The following MMS22L variants were observed in gnomAD, a reference collection of about 807,000 sequenced individuals.
The protein encoded by MMS22L is MMS22 like, DNA repair protein.
Under a neutral mutation model 159.1 loss-of-function variants are expected in MMS22L, and 74 were observed. The ratio of observed to expected loss-of-function variants is 0.47; its 90% confidence interval spans 0.39 to 0.56. MMS22L has a LOEUF of 0.56. Among genes scored for constraint, MMS22L ranks in the 20% least tolerant of loss-of-function variants. The probability of loss-of-function intolerance (pLI) is 0.00; values close to 1 mark genes in which losing one functional copy is unlikely to be tolerated. For synonymous variants in MMS22L, 517 were observed against 506.9 expected, an observed-to-expected ratio of 1.02 and a Z score of -0.27; for missense variants, 1,351 against 1,422.1, an observed-to-expected ratio of 0.95 and a Z score of 0.80.
Position 97,153,273 on chromosome 6 carries a change from A to G in MMS22L, c.3386-1406T>C, listed in dbSNP as rs1444688164. Among the ~76,000 whole-genome samples, 3 of 150,600 alleles carry G rather than the reference A, an allele frequency of 2.0e-5. No individual in the cohort carries two copies. In the Admixed American group the frequency reaches 2.0e-4, roughly 10 times the overall value. On this transcript the variant is annotated intron_variant, in intron 22 of 24. Transcript: ENST00000683635. ...ACAACCATCATCACAATTTTACAAT[A>G]TTTTCAATATCTTGAAAAGAAATTC... is the stretch of plus-strand genomic sequence containing the variant.
chr6:97,195,567 T>C (rs910140736), intron 14 of MMS22L, among the ~76,000 whole-genome samples: 4 of 152,238 alleles, frequency 2.6e-5, no homozygotes, highest in Admixed American at 6.5e-5. Flanking sequence ...TTCAGTCATA[T>C]GTTTTCTTCA....
chr6:97,231,310 C>G (rs1810835686), intron 13 of MMS22L, 116 bp downstream of exon 13: 1 of 717,118 alleles, frequency 1.4e-6, no homozygotes, highest in East Asian at 2.7e-5. Context: ...AATGGATTAC[C>G]TAGTAACATT....
intron 14 of MMS22L, among the ~76,000 whole-genome samples, chr6:97,207,057 T>C (rs1439736643): frequency 1.3e-5 from 2 of 152,178 alleles, no homozygotes; most frequent in Admixed American, 6.6e-5. Context: ...TAGTGAAACT[T>C]CAGCACTTTA....
chr6:97,265,582 G>A (rs1815009356), intron 8 of MMS22L: 1 of 152,042 alleles, frequency 6.6e-6, no homozygotes, highest in African/African-American at 2.4e-5. Context: ...TCTCGAGAAT[G>A]GAAGAAAATA....
At chr6:97,188,854 C>A (rs769098892) in intron 14 of MMS22L, among the ~76,000 whole-genome samples, 41 of 152,120 alleles carry the variant, frequency 2.7e-4, no homozygotes, top group Non-Finnish European at 5.3e-4. Context: ...CCCAGCAACT[C>A]AGGAGGCTGA....
intron 4 of MMS22L, among the ~76,000 whole-genome samples, chr6:97,276,508 T>C (rs973674333): frequency 3.9e-5 from 6 of 152,302 alleles, no homozygotes; most frequent in Admixed American, 3.9e-4. Context: ...AGTTCCAAAA[T>C]AAAAATCATA....
intron 14 of MMS22L, among the ~76,000 whole-genome samples, chr6:97,200,217 C>A (rs1806993328): frequency 6.6e-6 from 1 of 152,094 alleles, no homozygotes; most frequent in Non-Finnish European, 1.5e-5. Context: ...AGAATAATAT[C>A]ATATTTAGCA....
chr6:97,215,992 T>A (rs147954819), intron 14 of MMS22L, among the ~76,000 whole-genome samples: 1,778 of 152,266 alleles, frequency 0.012, 17 homozygotes, highest in Non-Finnish European at 0.018. Flanking sequence ...CAATTGAAAT[T>A]AAGAGTTTCA....
chr6:97,278,990 C>G, intron 3 of MMS22L, 92 bp from the exon 4 acceptor site: 3 of 969,042 alleles, frequency 3.1e-6, no homozygotes, highest in Non-Finnish European at 4.8e-6. Context: ...TACACAGCTT[C>G]AATACCTCTT....
intron 11 of MMS22L, among the ~76,000 whole-genome samples, chr6:97,243,185 T>C (rs1229164667): frequency 6.6e-6 from 1 of 152,338 alleles, no homozygotes; most frequent in East Asian, 1.9e-4. Context: ...AACTTTTAGA[T>C]TTCTCTTCTT....
chr6:97,243,884 G>C (rs376897540), intron 11 of MMS22L, among the ~76,000 whole-genome samples: 2 of 152,010 alleles, frequency 1.3e-5, no homozygotes, highest in African/African-American at 2.4e-5. Flanking sequence ...GTACTGGGGT[G>C]GGGGGTGTCT....
intron 11 of MMS22L, among the ~76,000 whole-genome samples, chr6:97,244,378 T>C (rs1156851944): frequency 2.0e-5 from 3 of 152,180 alleles, no homozygotes; most frequent in Admixed American, 6.5e-5. Context: ...AGACTGTTGA[T>C]AGTTAATACT....
chr6:97,245,066 A>G (rs1812486563), intron 11 of MMS22L, among the ~76,000 whole-genome samples: 1 of 152,040 alleles, frequency 6.6e-6, no homozygotes, highest in South Asian at 2.1e-4. Flanking sequence ...CAGCCAACAG[A>G]GCTGAATTTA....
At chr6:97,256,052 T>C (rs1003064587) in intron 9 of MMS22L, among the ~76,000 whole-genome samples, 2 of 152,160 alleles carry the variant, frequency 1.3e-5, no homozygotes, top group African/African-American at 4.8e-5. Context: ...GGTAATATAA[T>C]GACTAATATA....
Position 97,145,789 on chromosome 6 carries a change from C to A in MMS22L, c.*1017G>T, listed in dbSNP as rs1308930084. On this transcript the variant is annotated 3_prime_UTR_variant, in exon 25 of 25. Coordinates refer to ENST00000683635, the MANE Select transcript of MMS22L (RefSeq NM_001350599.2). The stretch of plus-strand genomic sequence containing the variant: ...ATAAAGCAAAGCTGAGTTTGAGACC[C>A]AGGTGGGTTCCCAAAACTAGGACTG... The A allele has an allele frequency of 6.6e-6, 1 of 152,088 alleles. No individual in the cohort carries two copies. The highest frequency in any genetic ancestry group is 6.5e-5 in the Admixed American group (1 of 15,268). The allele number at this position is 152,088 out of a possible 1,614,324, so 9.4% of individuals were successfully genotyped here. A position where few individuals can be genotyped will look rare whatever the true frequency, so the allele number is the denominator to read the frequency against.
In MMS22L at chr6:97,229,313, AGCT is replaced by A; in HGVS notation, c.1617_1619del (p.Ala540del). ...TTGCAACATCTTCTACCTCTGCAAC[AGCT>A]GCTAACAGTAGAAAAAGGCTAAAAA... On this transcript the variant is annotated inframe_deletion, in exon 14 of 25. Coordinates refer to ENST00000683635, the MANE Select transcript of MMS22L (RefSeq NM_001350599.2). 6.2e-7 allele frequency: 1 copy of A among 1,614,070 alleles called. No homozygotes were observed. The highest frequency in any genetic ancestry group is 1.7e-5 in the Admixed American group (1 of 59,976).
chr6:97,215,859 T>C lies in MMS22L; in HGVS notation c.2039+13035A>G, dbSNP rs575664064. ...GAGCTCACCAGGGGGAAATAGGCCT[T>C]AGGAGACTGAAATGGAATAAAGAAA... On this transcript the variant is annotated intron_variant, in intron 14 of 24. Transcript: ENST00000683635. Among the ~76,000 whole-genome samples the C allele has an allele frequency of 5.9e-5, 9 of 152,290 alleles. No individual in the cohort carries two copies. In the South Asian group the frequency reaches 1.9e-3, roughly 32 times the overall value.
chr6:97,244,988 A>G (rs1369469425), intron 11 of MMS22L, among the ~76,000 whole-genome samples: 1 of 152,078 alleles, frequency 6.6e-6, no homozygotes, highest in Admixed American at 6.5e-5. Context: ...GAAAGCTGGC[A>G]GTGGCAGGCC....
chr6:97,254,663 G>C lies in MMS22L; in HGVS notation c.1013C>G (p.Ser338Cys), dbSNP rs368168206. The change falls in exon 10 of 25, where the codon TCT becomes TGT. Residue 338 changes from serine (S) to cysteine (C), a missense_variant. By Grantham distance (112) the Ser-to-Cys change is moderately radical (BLOSUM62 -1). Transcript: ENST00000683635. ...LEKSSDRRRS[S>C]MPVIQSRDPL... ...ATCCCTGGACTGGATTACAGGCATA[G>C]AGGATCTTCTTCGGTCACTTGATTT... The C allele has an allele frequency of 6.2e-7, 1 of 1,613,022 alleles. No homozygotes were observed. Among genetic ancestry groups the C allele is most frequent in the South Asian group, 1.1e-5 (1 of 90,846 alleles).
Sources: allele counts gnomAD v4.1 joint callset (sites outside exome capture counted in the v4.1 genomes callset), GRCh38; gene constraint gnomAD v4.1.1; transcripts MANE v1.5; gene names NCBI Gene and HGNC (gene_info 2026-07-23, HGNC 2026-07-21).